Variants in IL12RB2 observed in about 807,000 individuals in gnomAD.
IL12RB2 encodes interleukin 12 receptor subunit beta 2.
In IL12RB2, 82 loss-of-function variants were observed where a neutral mutation model predicts 89.4. That is an observed-to-expected ratio of 0.92 (90% CI 0.77 to 1.10). IL12RB2 has a LOEUF of 1.10. Ranked by LOEUF, IL12RB2 falls within the 50% of genes least tolerant of loss-of-function variation. The pLI is 0.00. For synonymous variants in IL12RB2, 368 were observed against 370.1 expected (o/e 0.99, Z 0.07); for missense variants, 963 against 1,031.9 (o/e 0.93, Z 0.92).
chr1:67,341,343 C>T (rs1211098819), intron 9 of IL12RB2, among the ~76,000 whole-genome samples: 9 of 151,520 alleles, frequency 5.9e-5, no homozygotes, highest in East Asian at 1.9e-4. Context: ...CCCTTGAACC[C>T]GGGAGGCAGA....
intron 1 of IL12RB2, among the ~76,000 whole-genome samples, chr1:67,311,151 C>T (rs1655002259): frequency 6.6e-6 from 1 of 152,186 alleles, no homozygotes; most frequent in Admixed American, 6.5e-5. Flanking sequence ...GGATCCACTG[C>T]TCTTTTCATT....
chr1:67,323,224 C>T (rs765549993), intron 4 of IL12RB2, among the ~76,000 whole-genome samples: 1 of 152,166 alleles, frequency 6.6e-6, no homozygotes, highest in African/African-American at 2.4e-5. Flanking sequence ...AATGGCCAAG[C>T]AGATCATTGG....
At chr1:67,376,231 G>A in intron 13 of IL12RB2, among the ~76,000 whole-genome samples, 1 of 152,148 alleles carries the variant, frequency 6.6e-6, no homozygotes, top group East Asian at 1.9e-4. Context: ...CATCTTAAGG[G>A]AAGAAGCCAT....
intron 13 of IL12RB2, among the ~76,000 whole-genome samples, chr1:67,373,401 C>T (rs544636491): frequency 7.2e-4 from 110 of 152,336 alleles, no homozygotes; most frequent in Admixed American, 9.2e-4. Context: ...TGGGCCACAG[C>T]GCCCCGCCAA....
chr1:67,322,175 T>C (rs571402031), intron 4 of IL12RB2, among the ~76,000 whole-genome samples: 1 of 152,242 alleles, frequency 6.6e-6, no homozygotes, highest in South Asian at 2.1e-4. Flanking sequence ...TGGGTCTTTA[T>C]GCTTTTTTGA....
intron 8 of IL12RB2, among the ~76,000 whole-genome samples, chr1:67,337,901 T>TAAA (rs11449571): frequency 1.5e-5 from 2 of 132,302 alleles, no homozygotes; most frequent in East Asian, 2.2e-4. Context: ...TGCATTCTAG[T>TAAA]AAAAAAAAAA....
Position 67,367,840 on chromosome 1 carries a change from G to A in IL12RB2, c.1274G>A (p.Arg425His), listed in dbSNP as rs754781792. The A allele has an allele frequency of 6.3e-6, 10 of 1,590,290 alleles. No individual in the cohort carries two copies. Among genetic ancestry groups the A allele is most frequent in the East Asian group, 2.2e-5 (1 of 44,752 alleles). The change falls in exon 11 of 17, where the codon CGC (arginine) becomes CAC (histidine). Residue 425 changes from arginine (R) to histidine (H), a missense_variant. By Grantham distance (29) the Arg-to-His change is conservative. Transcript: ENST00000674203. Reference sequence around the variant, plus strand: ...TCCGATAAAGGGTTGCTGGCTCCTCGCCAGGTCTCTGCAAACTCAGAGGGC... The same window carrying A: ...TCCGATAAAGGGTTGCTGGCTCCTCACCAGGTCTCTGCAAACTCAGAGGGC... Reference protein sequence around the residue: ...NLCEAGLLAPRQVSANSEGMD... With the variant: ...NLCEAGLLAPHQVSANSEGMD...
At chr1:67,383,280 T>C (rs1370412487) in intron 14 of IL12RB2, among the ~76,000 whole-genome samples, 3 of 152,180 alleles carry the variant, frequency 2.0e-5, no homozygotes, top group Non-Finnish European at 2.9e-5. Context: ...GCCCCCATGA[T>C]TGAATTACCT....
chr1:67,386,362 G>T (rs1169349034), intron 14 of IL12RB2, among the ~76,000 whole-genome samples: 1 of 152,112 alleles, frequency 6.6e-6, no homozygotes, highest in African/African-American at 2.4e-5. Flanking sequence ...GTGAGTCGGA[G>T]GAGCCCTGTA....
At chr1:67,385,106 C>T (rs1665000003) in intron 14 of IL12RB2, among the ~76,000 whole-genome samples, 1 of 152,174 alleles carries the variant, frequency 6.6e-6, no homozygotes, top group African/African-American at 2.4e-5. Context: ...CTCTATGGTA[C>T]CAATTTACTT....
intron 9 of IL12RB2, among the ~76,000 whole-genome samples, chr1:67,347,298 C>G (rs903198624): frequency 6.6e-6 from 1 of 152,164 alleles, no homozygotes. Flanking sequence ...ACAGGCTAAG[C>G]GCTAACAGAT....
chr1:67,396,253 G>A lies in IL12RB2; in HGVS notation c.*164G>A, dbSNP rs756099587. The A allele has an allele frequency of 4.0e-5, 29 of 726,966 alleles. No homozygotes were observed. Among genetic ancestry groups the A allele is most frequent in the Non-Finnish European group, 6.0e-5 (24 of 398,984 alleles). The allele number at this position is 726,966 out of a possible 1,614,324, so 45.0% of individuals were successfully genotyped here. A position where few individuals can be genotyped will look rare whatever the true frequency, so the allele number is the denominator to read the frequency against. The stretch of plus-strand genomic sequence containing the variant: ...GCTCTGGGGGAGTCTTAGGAACTGG[G>A]AGTTGGTCTTCACTCAGATGCCTCA... On this transcript the variant is annotated 3_prime_UTR_variant, in exon 17 of 17. Transcript: ENST00000674203.
chr1:67,308,954 AGGTTACAGT>A (rs1217711021), intron 1 of IL12RB2, among the ~76,000 whole-genome samples: 5 of 152,098 alleles, frequency 3.3e-5, no homozygotes, highest in Admixed American at 3.3e-4. Context: ...CGGGAGACAG[AGGTTACAGT>A]GAGCCAAGAT....
At chr1:67,352,178 G>T (rs1367951305) in intron 10 of IL12RB2, among the ~76,000 whole-genome samples, 2 of 152,156 alleles carry the variant, frequency 1.3e-5, no homozygotes, top group Non-Finnish European at 2.9e-5. Context: ...CAAGTAAACA[G>T]TATATGTATA....
At chr1:67,392,853 A>AC (rs1202630270) in intron 16 of IL12RB2, among the ~76,000 whole-genome samples, 2 of 151,316 alleles carry the variant, frequency 1.3e-5, no homozygotes, top group African/African-American at 4.9e-5. Context: ...CAGGCTGGTG[A>AC]CCCCAAGTGA....
At chr1:67,393,361 G>A (rs930675163) in intron 16 of IL12RB2, among the ~76,000 whole-genome samples, 7 of 152,212 alleles carry the variant, frequency 4.6e-5, no homozygotes, top group East Asian at 1.9e-4. Flanking sequence ...GCCTGCCCCC[G>A]AGGACTTGGC....
At chr1:67,392,584 T>C (rs1665938494) in intron 16 of IL12RB2, among the ~76,000 whole-genome samples, 1 of 150,744 alleles carries the variant, frequency 6.6e-6, no homozygotes. Flanking sequence ...TGAAGGCCAC[T>C]TAATTTTCAT....
At chr1:67,395,220 A>G (rs1296777564) in intron 16 of IL12RB2, among the ~76,000 whole-genome samples, 1 of 151,898 alleles carries the variant, frequency 6.6e-6, no homozygotes, top group East Asian at 1.9e-4. Flanking sequence ...GGGAGCCAAG[A>G]TCATGCCACT....
At chr1:67,378,931 C>T (rs1321452892) in intron 13 of IL12RB2, among the ~76,000 whole-genome samples, 1 of 150,682 alleles carries the variant, frequency 6.6e-6, no homozygotes, top group East Asian at 2.0e-4. Context: ...GGTGTGGGGG[C>T]TCACGCCTAT....
Sources: gnomAD v4.1 joint callset for allele counts (sites outside exome capture counted in the v4.1 genomes callset) on GRCh38, gnomAD v4.1.1 for gene constraint, MANE v1.5 for transcripts, NCBI Gene and HGNC (gene_info 2026-07-23, HGNC 2026-07-21) for gene names.